Variants in OR3A2 observed in about 807,000 individuals in gnomAD.
OR3A2 encodes the protein olfactory receptor family 3 subfamily A member 2.
For synonymous variants in OR3A2, 126 were observed against 159.3 expected (o/e 0.79, Z 1.57); for missense variants, 318 against 392.8 (o/e 0.81, Z 1.61).
At chr17:3,293,102 CAG>C (rs2048890173) in intron 3 of OR3A2, among the ~76,000 whole-genome samples, 1 of 148,278 alleles carries the variant, frequency 6.7e-6, no homozygotes, top group South Asian at 2.1e-4. Context: ...TGACAAGAAG[CAG>C]AGAGAGGAAA....
At chr17:3,310,780 C>G (rs1349856835) in intron 3 of OR3A2, 2 of 595,224 alleles carry the variant, frequency 3.4e-6, no homozygotes, top group South Asian at 2.7e-5. Flanking sequence ...TTTTCCTTCA[C>G]CAATGCACTG....
chr17:3,294,003 G>A (rs1471847327), intron 3 of OR3A2, among the ~76,000 whole-genome samples: 1 of 152,230 alleles, frequency 6.6e-6, no homozygotes, highest in African/African-American at 2.4e-5. Context: ...GCTAATGCAT[G>A]CTGGGCTTAA....
At chr17:3,384,738 C>A (rs2049764612) in intron 1 of OR3A2, among the ~76,000 whole-genome samples, 1 of 152,142 alleles carries the variant, frequency 6.6e-6, no homozygotes. Context: ...AGACCACCAC[C>A]TGTTTTGCAA....
chr17:3,338,985 C>A (rs1458840618), intron 2 of OR3A2, among the ~76,000 whole-genome samples: 2 of 152,142 alleles, frequency 1.3e-5, no homozygotes, highest in Non-Finnish European at 2.9e-5. Flanking sequence ...TCCTTCACAA[C>A]CTTTGTAAGT....
chr17:3,329,297 T>G (rs953016292), intron 3 of OR3A2, among the ~76,000 whole-genome samples: 2,031 of 150,460 alleles, frequency 0.013, 58 homozygotes, highest in African/African-American at 0.046. Flanking sequence ...TACCTGTTCC[T>G]CCTTGTACCT....
intron 2 of OR3A2, among the ~76,000 whole-genome samples, chr17:3,370,377 AT>A (rs1352942846): frequency 6.6e-6 from 1 of 151,870 alleles, no homozygotes; most frequent in Non-Finnish European, 1.5e-5. Context: ...AATATCTCCC[AT>A]TTTGTTTCTA....
At chr17:3,347,357 T>G (rs985405919) in intron 2 of OR3A2, among the ~76,000 whole-genome samples, 12 of 152,200 alleles carry the variant, frequency 7.9e-5, no homozygotes, top group Admixed American at 2.6e-4. Context: ...ACTCATCTTC[T>G]AGCATTAGGT....
intron 2 of OR3A2, among the ~76,000 whole-genome samples, chr17:3,359,044 G>A (rs1209265983): frequency 6.6e-6 from 1 of 151,704 alleles, no homozygotes; most frequent in Non-Finnish European, 1.5e-5. Flanking sequence ...GTCCTTCTTT[G>A]TCTTTTTTGA....
At chr17:3,357,535 G>A (rs1039310768) in intron 2 of OR3A2, among the ~76,000 whole-genome samples, 2 of 151,508 alleles carry the variant, frequency 1.3e-5, no homozygotes, top group African/African-American at 2.4e-5. Context: ...AAGGTAGAAT[G>A]GTGGTTGCCA....
At chr17:3,310,895 T>G (rs201771450) in intron 3 of OR3A2, 15 of 787,454 alleles carry the variant, frequency 1.9e-5, no homozygotes, top group Non-Finnish European at 2.9e-5. Context: ...GCTCCAGTGT[T>G]CATCTCAATG....
At chr17:3,356,790 G>A (rs1482845583) in intron 2 of OR3A2, among the ~76,000 whole-genome samples, 1 of 151,536 alleles carries the variant, frequency 6.6e-6, no homozygotes, top group African/African-American at 2.4e-5. Context: ...ACGCTCTTAA[G>A]TTTATAGTAA....
intron 3 of OR3A2, among the ~76,000 whole-genome samples, chr17:3,318,121 G>A (rs929584067): frequency 6.6e-6 from 1 of 152,160 alleles, no homozygotes; most frequent in African/African-American, 2.4e-5. Flanking sequence ...GACAGCCAGG[G>A]CTAGGATTGG....
At chr17:3,343,705 C>T (rs1175875722) in intron 2 of OR3A2, among the ~76,000 whole-genome samples, 1 of 152,146 alleles carries the variant, frequency 6.6e-6, no homozygotes, top group African/African-American at 2.4e-5. Context: ...GTTGTCAGCA[C>T]TGTATTGAAC....
At chr17:3,364,090 T>G (rs537475924) in intron 2 of OR3A2, among the ~76,000 whole-genome samples, 2 of 152,306 alleles carry the variant, frequency 1.3e-5, no homozygotes, top group African/African-American at 4.8e-5. Flanking sequence ...ATGATATAAA[T>G]GTATGTGTAG....
chr17:3,294,879 T>C (rs1418942760), intron 3 of OR3A2, among the ~76,000 whole-genome samples: 1 of 152,168 alleles, frequency 6.6e-6, no homozygotes, highest in African/African-American at 2.4e-5. Context: ...TAAAGTTAAG[T>C]TGGCAATCTG....
chr17:3,319,303 T>C (rs1312746400), intron 3 of OR3A2, among the ~76,000 whole-genome samples: 2 of 152,112 alleles, frequency 1.3e-5, no homozygotes, highest in Non-Finnish European at 2.9e-5. Context: ...TTTTAGGCAT[T>C]GGGGGCCACA....
intron 2 of OR3A2, among the ~76,000 whole-genome samples, chr17:3,341,683 G>C (rs908994706): frequency 2.0e-5 from 3 of 152,088 alleles, no homozygotes; most frequent in Admixed American, 6.5e-5. Flanking sequence ...CTTTCTCTCT[G>C]GCTGCCCTTA....
chr17:3,322,493 T>A (rs1422155933), intron 3 of OR3A2, among the ~76,000 whole-genome samples: 1 of 152,200 alleles, frequency 6.6e-6, no homozygotes, highest in African/African-American at 2.4e-5. Context: ...TTTCCTGCTT[T>A]CTCTTGTGGG....
intron 1 of OR3A2, among the ~76,000 whole-genome samples, chr17:3,282,832 C>G (rs1227683380): frequency 8.5e-5 from 13 of 152,236 alleles, no homozygotes; most frequent in Admixed American, 8.5e-4. Context: ...CATTGGACAG[C>G]AACCCTGTGA....
Sources: gnomAD v4.1 joint callset for allele counts (sites outside exome capture counted in the v4.1 genomes callset) on GRCh38, gnomAD v4.1.1 for gene constraint, MANE v1.5 for transcripts, NCBI Gene and HGNC (gene_info 2026-07-23, HGNC 2026-07-21) for gene names.